The following RFTN2 variants were observed in gnomAD, a reference collection of about 807,000 sequenced individuals.
RFTN2 encodes raftlin family member 2, also known as raftlin-2.
RFTN2 carries 34 observed loss-of-function variants against 52.7 expected under a neutral mutation model. The observed-to-expected ratio is 0.64, with a 90% CI of 0.49 to 0.86. The LOEUF is 0.86. Ranked by LOEUF, RFTN2 falls within the 40% of genes least tolerant of loss-of-function variation. The pLI is 0.00. For missense variants in RFTN2, 536 were observed against 600.1 expected (o/e 0.89, Z 1.12); for synonymous variants, 203 against 217.7 (o/e 0.93, Z 0.59).
Position 197,631,040 on chromosome 2 carries a change from TCAATTAAAG to T in RFTN2, c.890_898del (p.Ser297_Asp300delinsTyr). ...AGATGTTTCCCAGAATACAAAAGAA[TCAATTAAAG>T]ACAAGCCTTGTTTATAATAAAAGGT... On this transcript the variant is annotated inframe_deletion, in exon 5 of 9. Coordinates refer to ENST00000295049, the MANE Select transcript of RFTN2 (RefSeq NM_144629.3). 6.2e-7 allele frequency: 1 copy of T among 1,610,880 alleles called. No homozygotes were observed. Among genetic ancestry groups the T allele is most frequent in the Non-Finnish European group, 8.5e-7 (1 of 1,177,484 alleles).
intron 8 of RFTN2, among the ~76,000 whole-genome samples, chr2:197,573,470 C>G (rs2087352341): frequency 6.6e-6 from 1 of 152,124 alleles, no homozygotes. Flanking sequence ...TTCTAAGCAG[C>G]AAAGCATTAA....
At chr2:197,654,409 A>T (rs528334222) in intron 1 of RFTN2, among the ~76,000 whole-genome samples, 1 of 152,124 alleles carries the variant, frequency 6.6e-6, no homozygotes, top group Admixed American at 6.6e-5. Flanking sequence ...CAAACAAAAA[A>T]ATCAAAAACA....
chr2:197,590,798 C>T (rs187696070), intron 8 of RFTN2, among the ~76,000 whole-genome samples: 87 of 152,280 alleles, frequency 5.7e-4, no homozygotes, highest in African/African-American at 2.0e-3. Context: ...CCGGTGGGTT[C>T]GTGGTCTGGC....
intron 6 of RFTN2, among the ~76,000 whole-genome samples, chr2:197,616,928 C>A (rs13427254): frequency 0.01 from 1,597 of 152,238 alleles, 22 homozygotes; most frequent in African/African-American, 0.036. Flanking sequence ...TCAGGGAGGG[C>A]CTCAAACACA....
chr2:197,583,025 C>T (rs1460036497), intron 8 of RFTN2, among the ~76,000 whole-genome samples: 2 of 152,210 alleles, frequency 1.3e-5, no homozygotes, highest in Admixed American at 6.5e-5. Flanking sequence ...AAAATATCTC[C>T]TTCCAGCCTC....
Position 197,616,274 on chromosome 2 carries a change from AT to A in RFTN2, c.1051-296del, listed in dbSNP as rs147781943. On this transcript the variant is annotated intron_variant, in intron 6 of 8. Transcript: ENST00000295049. Reference sequence around the variant, plus strand: ...TTGGGGAGCTGGGAATCTGCATTTTATTTTATTTTATTTTATTTTATTTTAT... The same window carrying A: ...TTGGGGAGCTGGGAATCTGCATTTTATTTATTTTATTTTATTTTATTTTAT... Among the ~76,000 whole-genome samples the A allele has an allele frequency of 3.7e-4, 43 of 116,642 alleles. 3 individuals carry two copies. The highest frequency in any genetic ancestry group is 1.2e-3 in the African/African-American group (38 of 32,564). The allele number at this position is 116,642 out of a possible 152,430, so 76.5% of individuals were successfully genotyped here.
chr2:197,585,086 A>G (rs1174232875), intron 8 of RFTN2, among the ~76,000 whole-genome samples: 2 of 152,186 alleles, frequency 1.3e-5, no homozygotes, highest in Admixed American at 6.5e-5. Flanking sequence ...CAGCCAGCCT[A>G]ATCCCTCCTC....
chr2:197,584,400 C>G (rs1361523324), intron 8 of RFTN2, among the ~76,000 whole-genome samples: 5 of 152,176 alleles, frequency 3.3e-5, no homozygotes, highest in Admixed American at 2.6e-4. Context: ...CTTTTGGCTG[C>G]ATAAATGTCT....
intron 3 of RFTN2, among the ~76,000 whole-genome samples, chr2:197,643,929 C>T (rs949161993): frequency 3.3e-5 from 5 of 152,060 alleles, no homozygotes; most frequent in African/African-American, 1.2e-4. Context: ...TGTCATTAAA[C>T]TTCTTATATT....
At chr2:197,602,339 G>A (rs1344458931) in intron 7 of RFTN2, among the ~76,000 whole-genome samples, 1 of 152,078 alleles carries the variant, frequency 6.6e-6, no homozygotes, top group Non-Finnish European at 1.5e-5. Context: ...CCAAAGTGCT[G>A]GGATTACTGG....
intron 1 of RFTN2, among the ~76,000 whole-genome samples, chr2:197,666,986 T>C (rs2089071592): frequency 6.6e-6 from 1 of 152,226 alleles, no homozygotes; most frequent in East Asian, 1.9e-4. Context: ...TTCTGTTTGG[T>C]TCATTTTTAT....
chr2:197,584,089 A>C (rs1198018271), intron 8 of RFTN2, among the ~76,000 whole-genome samples: 1 of 152,190 alleles, frequency 6.6e-6, no homozygotes, highest in African/African-American at 2.4e-5. Context: ...ATAAACATAC[A>C]TGTGCATGTG....
At position 197,596,089 on chromosome 2, in the gene RFTN2, T is replaced by G. The variant is rs956989586; in HGVS notation, c.1155-20A>C. 1.2e-5 allele frequency: 18 copies of G among 1,493,482 alleles called. No homozygotes were observed. Among genetic ancestry groups the G allele is most frequent in the Non-Finnish European group, 1.6e-5 (17 of 1,072,018 alleles). 92.5% of individuals were successfully genotyped at this position (1,493,482 alleles called of 1,614,324 possible). A position where few individuals can be genotyped will look rare whatever the true frequency, so the allele number is the denominator to read the frequency against. On this transcript the variant is annotated intron_variant, in intron 7 of 8. Coordinates refer to ENST00000295049, the MANE Select transcript of RFTN2 (RefSeq NM_144629.3). ...CCTTCACTGCAAATTAAAACAATAG[T>G]ATTAGTATTTGTGAGTTAGTAATTC...
In RFTN2 at chr2:197,582,497, T is replaced by C. The variant is rs1341201795; in HGVS notation, c.1234-10217A>G. ...CAGTTCTACCAGGCCTAATTGCCAC[T>C]CACCAGCAAAGGCAGGCTATGCTAT... On this transcript the variant is annotated intron_variant, in intron 8 of 8. Coordinates refer to ENST00000295049, the MANE Select transcript of RFTN2 (RefSeq NM_144629.3). Among the ~76,000 whole-genome samples the C allele has an allele frequency of 2.6e-5, 4 of 152,182 alleles. No individual in the cohort carries two copies. In the East Asian group the frequency reaches 7.7e-4, roughly 29 times the overall value.
At chr2:197,624,688 G>A (rs759710974) in intron 5 of RFTN2, among the ~76,000 whole-genome samples, 19 of 149,952 alleles carry the variant, frequency 1.3e-4, no homozygotes, top group Non-Finnish European at 2.7e-4. Flanking sequence ...CTGGCCAGGC[G>A]CAGTAGCTCA....
Position 197,630,994 on chromosome 2 carries a change from A to C in RFTN2, c.928+17T>G, listed in dbSNP as rs76914158. 5.9e-4 allele frequency: 889 copies of C among 1,498,644 alleles called. 10 individuals are homozygous for C. The African/African-American group carries it at 0.011, about 18-fold the overall frequency. 92.8% of individuals were successfully genotyped at this position (1,498,644 alleles called of 1,614,324 possible). ...TCAAATTCCTCAGATATAAAATATC[A>C]TTAACATAAAACTTACCTTTAGATG... is the stretch of plus-strand genomic sequence containing the variant. On this transcript the variant is annotated intron_variant, in intron 5 of 8. Transcript: ENST00000295049.
intron 4 of RFTN2, among the ~76,000 whole-genome samples, chr2:197,632,199 A>C (rs1425764339): frequency 6.6e-6 from 1 of 152,180 alleles, no homozygotes; most frequent in Non-Finnish European, 1.5e-5. Flanking sequence ...CTCTGACCAT[A>C]ATTCTGATAC....
intron 1 of RFTN2, among the ~76,000 whole-genome samples, chr2:197,647,160 C>T (rs1026389353): frequency 6.6e-6 from 1 of 151,926 alleles, no homozygotes; most frequent in Admixed American, 6.6e-5. Context: ...ATAGGAGATA[C>T]AATAATTTGA....
Position 197,644,183 on chromosome 2 carries a change from T to C in RFTN2, c.413A>G (p.Asp138Gly), listed in dbSNP as rs2088714490. The C allele has an allele frequency of 6.2e-7, 1 of 1,609,902 alleles. No homozygotes were observed. Among genetic ancestry groups the C allele is most frequent in the Non-Finnish European group, 8.5e-7 (1 of 1,176,270 alleles). ...CTTTTCTATCAGTTCTTTTGCTGCG[T>C]CATTTGTTTGTGCCTCAGAAGTTAG... ...CPLTSEAQTN[D>G]AAKELIEKIN... is the part of the protein sequence containing the mutation. Residue 138 changes from aspartate to glycine, a missense_variant, in exon 3 of 9, where the codon GAC becomes GGC. Physicochemically the swap from Asp to Gly is moderately conservative, Grantham distance 94. Coordinates refer to ENST00000295049, the MANE Select transcript of RFTN2 (RefSeq NM_144629.3).
Sources: allele counts gnomAD v4.1 joint callset (sites outside exome capture counted in the v4.1 genomes callset), GRCh38; gene constraint gnomAD v4.1.1; transcripts MANE v1.5; gene names NCBI Gene and HGNC (gene_info 2026-07-23, HGNC 2026-07-21).